Variants in FRMD4B observed in about 807,000 individuals in gnomAD.
FRMD4B encodes the protein FERM domain-containing protein 4B.
FRMD4B carries 74 observed loss-of-function variants against 141.5 expected under a neutral mutation model. The ratio of observed to expected loss-of-function variants is 0.52; its 90% CI spans 0.43 to 0.63. FRMD4B has a LOEUF of 0.63. FRMD4B is among the 30% of genes least tolerant of loss of function. The probability of loss-of-function intolerance (pLI) is 0.00; values close to 1 mark genes in which losing one functional copy is unlikely to be tolerated. For missense variants in FRMD4B, 1,366 were observed against 1,253.4 expected, an observed-to-expected ratio of 1.09 and a Z score of -1.36; for synonymous variants, 506 against 467.9, an observed-to-expected ratio of 1.08 and a Z score of -1.05.
chr3:69,214,944 A>T (rs1006157312), intron 11 of FRMD4B, among the ~76,000 whole-genome samples: 11 of 151,698 alleles, frequency 7.3e-5, no homozygotes, highest in Admixed American at 2.0e-4. Flanking sequence ...CAGTGGCGTG[A>T]TCTCGGCTCA....
At chr3:69,344,176 C>T (rs914501166) in intron 1 of FRMD4B, among the ~76,000 whole-genome samples, 1 of 152,188 alleles carries the variant, frequency 6.6e-6, no homozygotes, top group African/African-American at 2.4e-5. Flanking sequence ...TGTCTGACTC[C>T]AATTAGTGGC....
intron 1 of FRMD4B, among the ~76,000 whole-genome samples, chr3:69,464,422 A>G (rs1705751365): frequency 6.6e-6 from 1 of 152,206 alleles, no homozygotes; most frequent in South Asian, 2.1e-4. Context: ...CAGAAAGTAA[A>G]CTGTCACCTA....
intron 1 of FRMD4B, among the ~76,000 whole-genome samples, chr3:69,326,119 A>ATT (rs371350022): frequency 0.017 from 2,316 of 133,668 alleles, 34 homozygotes; most frequent in Non-Finnish European, 0.024. Flanking sequence ...TGGCTAATCA[A>ATT]TTTTTTTTTT....
At chr3:69,472,946 T>TC (rs1186699860) in intron 1 of FRMD4B, among the ~76,000 whole-genome samples, 2 of 149,546 alleles carry the variant, frequency 1.3e-5, no homozygotes, top group African/African-American at 2.5e-5. Flanking sequence ...TTCTTTTTTT[T>TC]TTTTTTTGGC....
rs747861249 is a variant in FRMD4B, at chr3:69,181,036, C to T, written c.2714G>A (p.Arg905Gln). ...TCCCTGATCCTTCTGCCCAGAGGCC[C>T]GCTGGTACCAGCCACGCAAGTGCTC... ...VAEHLRGWYQ[R>Q]ASGQKDQGHS... Residue 905 changes from arginine to glutamine, a missense_variant, in exon 21 of 23, where the codon CGG (arginine) becomes CAG (glutamine). Arg to Gln is a conservative substitution (Grantham distance 43). Transcript: ENST00000398540. 6.8e-6 allele frequency: 11 copies of T among 1,613,936 alleles called. No homozygotes were observed. The highest frequency in any genetic ancestry group is 9.3e-6 in the Non-Finnish European group (11 of 1,179,860).
At position 69,221,887 on chromosome 3, in the gene FRMD4B, T is replaced by G. The variant is rs916541183; in HGVS notation, c.702A>C (p.Lys234Asn). 3 of 1,572,050 alleles carry G rather than the reference T, an allele frequency of 1.9e-6. No individual in the cohort carries two copies. The highest frequency in any genetic ancestry group is 2.7e-5 in the African/African-American group (2 of 74,362). The change falls in exon 9 of 23, where the codon AAA (lysine) becomes AAC (asparagine). Residue 234 changes from lysine (K) to asparagine (N), a missense_variant. Transcript: ENST00000398540. ...DRVIEHYLKI[K>N]GLTRGQAVVQ... ...CCACAGCTTGACCTCGAGTGAGACC[T>G]TTGATTTTCAAATAATGCTCAATTA...
intron 14 of FRMD4B, 69 bp from the exon 15 acceptor site, chr3:69,195,433 G>C (rs1489465394): frequency 7.6e-7 from 1 of 1,317,964 alleles, no homozygotes; most frequent in Non-Finnish European, 1.0e-6. Context: ...AGGGACAAAG[G>C]ATTTTTAAGC....
chr3:69,479,375 T>C (rs1706073162), intron 1 of FRMD4B, among the ~76,000 whole-genome samples: 1 of 152,140 alleles, frequency 6.6e-6, no homozygotes, highest in African/African-American at 2.4e-5. Context: ...TAGTGTTTCC[T>C]TCAGGAGCTC....
At chr3:69,264,207 A>C (rs1348855476) in intron 5 of FRMD4B, among the ~76,000 whole-genome samples, 2 of 152,128 alleles carry the variant, frequency 1.3e-5, no homozygotes, top group East Asian at 1.9e-4. Context: ...CTCCTAATAC[A>C]CTATACACAT....
intron 1 of FRMD4B, among the ~76,000 whole-genome samples, chr3:69,343,570 GTTTTTTGT>G (rs1702816397): frequency 1.2e-5 from 1 of 84,196 alleles, no homozygotes; most frequent in African/African-American, 4.4e-5. Flanking sequence ...TGTCTTAACA[GTTTTTTGT>G]TTTTTTTTTT....
At chr3:69,503,695 A>G (rs1706543421) in intron 1 of FRMD4B, among the ~76,000 whole-genome samples, 1 of 152,168 alleles carries the variant, frequency 6.6e-6, no homozygotes, top group East Asian at 1.9e-4. Context: ...AAAAACAAAT[A>G]GAGACATAAA....
intron 22 of FRMD4B, among the ~76,000 whole-genome samples, chr3:69,172,637 G>A (rs892099622): frequency 6.6e-6 from 1 of 152,144 alleles, no homozygotes; most frequent in Non-Finnish European, 1.5e-5. Flanking sequence ...GGCACATAGG[G>A]ACATATATGA....
At chr3:69,327,289 T>A (rs1702218508) in intron 1 of FRMD4B, among the ~76,000 whole-genome samples, 1 of 152,188 alleles carries the variant, frequency 6.6e-6, no homozygotes, top group Non-Finnish European at 1.5e-5. Context: ...GACTTAAAAG[T>A]CTCAAGTGTA....
At chr3:69,490,546 A>C (rs1169643630) in intron 1 of FRMD4B, among the ~76,000 whole-genome samples, 1 of 152,104 alleles carries the variant, frequency 6.6e-6, no homozygotes, top group Non-Finnish European at 1.5e-5. Flanking sequence ...CCTCCTTCTC[A>C]CCACTGAGGT....
At chr3:69,490,115 G>C (rs150349621) in intron 1 of FRMD4B, among the ~76,000 whole-genome samples, 1 of 152,090 alleles carries the variant, frequency 6.6e-6, no homozygotes, top group Non-Finnish European at 1.5e-5. Flanking sequence ...GTTTCTTTTT[G>C]GGATGATGAA....
At chr3:69,524,210 C>T (rs1192102436) in intron 1 of FRMD4B, among the ~76,000 whole-genome samples, 3 of 152,186 alleles carry the variant, frequency 2.0e-5, no homozygotes, top group South Asian at 2.1e-4. Flanking sequence ...ATAACAGTAA[C>T]AGCCATCTTT....
chr3:69,377,977 A>T (rs1441302612), intron 1 of FRMD4B, among the ~76,000 whole-genome samples: 1 of 139,856 alleles, frequency 7.2e-6, no homozygotes, highest in Non-Finnish European at 1.5e-5. Flanking sequence ...CACTTGGCTA[A>T]TTTTTTTTTT....
At chr3:69,469,044 G>A (rs926467309) in intron 1 of FRMD4B, among the ~76,000 whole-genome samples, 5 of 152,160 alleles carry the variant, frequency 3.3e-5, no homozygotes, top group African/African-American at 1.2e-4. Flanking sequence ...TCTTTCTCAT[G>A]TTAAGAGTTT....
At chr3:69,222,600 C>T (rs4582065) in intron 8 of FRMD4B, among the ~76,000 whole-genome samples, 17,217 of 151,666 alleles carry the variant, frequency 0.11, 1,113 homozygotes, top group African/African-American at 0.17. Context: ...GGTGAAATGT[C>T]GTCTCTACTA....
Sources: allele counts gnomAD v4.1 joint callset (sites outside exome capture counted in the v4.1 genomes callset), GRCh38; gene constraint gnomAD v4.1.1; transcripts MANE v1.5; gene names NCBI Gene and HGNC (gene_info 2026-07-23, HGNC 2026-07-21).